ADK: variants seen among roughly 807,000 people sequenced by gnomAD.
ADK encodes the protein adenosine kinase.
A neutral mutation model predicts 44.7 loss-of-function variants in ADK; 24 were observed. The observed-to-expected ratio is 0.54, with a 90% CI of 0.39 to 0.76. The LOEUF (loss-of-function observed/expected upper bound fraction) is 0.76, where lower values mean the gene tolerates loss of function less well. Among genes scored for constraint, ADK ranks in the 30% least tolerant of loss-of-function variants. The pLI, the probability that ADK is intolerant of heterozygous loss-of-function variation, is 0.00. For missense variants in ADK, 321 were observed against 425.1 expected (o/e 0.76, Z 2.15); for synonymous variants, 128 against 142.6 (o/e 0.90, Z 0.73).
chr10:74,387,180 C>T (rs1373480627), intron 4 of ADK, among the ~76,000 whole-genome samples: 7 of 152,204 alleles, frequency 4.6e-5, no homozygotes. Flanking sequence ...CGTGATCCGC[C>T]TGCCTCAGCC....
At chr10:74,430,377 A>G (rs1453086045) in intron 6 of ADK, among the ~76,000 whole-genome samples, 2 of 152,186 alleles carry the variant, frequency 1.3e-5, no homozygotes, top group African/African-American at 2.4e-5. Context: ...CTGTTCACCT[A>G]TTGAAAGACA....
At chr10:74,538,457 G>A (rs544111030) in intron 7 of ADK, among the ~76,000 whole-genome samples, 255 of 152,114 alleles carry the variant, frequency 1.7e-3, no homozygotes, top group Non-Finnish European at 1.7e-3. Flanking sequence ...AAAAAATCTC[G>A]TTTATCAACA....
At chr10:74,565,391 A>G (rs986450699) in intron 7 of ADK, among the ~76,000 whole-genome samples, 15 of 152,216 alleles carry the variant, frequency 9.9e-5, no homozygotes, top group Non-Finnish European at 4.4e-5. Context: ...TATGATACTT[A>G]TGATTTTTAA....
intron 3 of ADK, among the ~76,000 whole-genome samples, chr10:74,302,572 C>T (rs1253201861): frequency 6.6e-6 from 1 of 152,002 alleles, no homozygotes; most frequent in African/African-American, 2.4e-5. Context: ...GCAGATGGCT[C>T]ACTTGAGTCC....
chr10:74,594,495 CAT>C lies in ADK; in HGVS notation c.762+5181_762+5182del, dbSNP rs1385957412. On this transcript the variant is annotated intron_variant, in intron 8 of 10. Coordinates refer to ENST00000539909, the MANE Select transcript of ADK (RefSeq NM_006721.4). ...TAGAACATATTTTTTTAAAATATGA[CAT>C]ATGGAAAACAAATAGCAAATGGCAG... is the stretch of plus-strand genomic sequence containing the variant. Among the ~76,000 whole-genome samples the C allele has an allele frequency of 4.6e-5, 7 of 151,428 alleles. No individual in the cohort carries two copies. In the South Asian group the frequency reaches 1.0e-3, roughly 23 times the overall value.
chr10:74,311,605 GTTAA>G (rs1840435427), intron 3 of ADK, among the ~76,000 whole-genome samples: 1 of 152,250 alleles, frequency 6.6e-6, no homozygotes, highest in Admixed American at 6.5e-5. Flanking sequence ...AATCATTGGA[GTTAA>G]TTAAATATTA....
intron 7 of ADK, among the ~76,000 whole-genome samples, chr10:74,537,309 T>A (rs899284438): frequency 6.6e-6 from 1 of 152,252 alleles, no homozygotes; most frequent in Non-Finnish European, 1.5e-5. Context: ...TGATTGGTTA[T>A]CCTTGTTAAA....
At chr10:74,570,804 GC>G in intron 7 of ADK, among the ~76,000 whole-genome samples, 1 of 152,118 alleles carries the variant, frequency 6.6e-6, no homozygotes, top group Middle Eastern at 3.4e-3. Flanking sequence ...GATTGCCCTG[GC>G]CAGAACTTCC....
intron 2 of ADK, among the ~76,000 whole-genome samples, chr10:74,203,265 A>T (rs540126829): frequency 6.6e-6 from 1 of 152,190 alleles, no homozygotes; most frequent in African/African-American, 2.4e-5. Context: ...CCATAGATAT[A>T]TGGGTAAATT....
At chr10:74,614,210 C>T (rs1209685101) in intron 9 of ADK, among the ~76,000 whole-genome samples, 3 of 152,096 alleles carry the variant, frequency 2.0e-5, no homozygotes, top group African/African-American at 7.2e-5. Flanking sequence ...CTTCTTTCAA[C>T]TCCCACCTTT....
chr10:74,596,484 G>A (rs1188420971), intron 8 of ADK, among the ~76,000 whole-genome samples: 1 of 152,042 alleles, frequency 6.6e-6, no homozygotes, highest in Non-Finnish European at 1.5e-5. Flanking sequence ...TGCCTGCTGG[G>A]CTCAAGCAAT....
chr10:74,162,761 T>G (rs1841942313), intron 1 of ADK, among the ~76,000 whole-genome samples: 1 of 152,054 alleles, frequency 6.6e-6, no homozygotes, highest in African/African-American at 2.4e-5. Context: ...CAGGCTGGTC[T>G]TGAACTCCTA....
intron 7 of ADK, among the ~76,000 whole-genome samples, chr10:74,581,430 G>C (rs1851370932): frequency 6.6e-6 from 1 of 152,154 alleles, no homozygotes; most frequent in Non-Finnish European, 1.5e-5. Context: ...CAGTGTCACT[G>C]TGAGCTGTGA....
At chr10:74,644,782 G>C (rs958280825) in intron 9 of ADK, among the ~76,000 whole-genome samples, 2 of 152,080 alleles carry the variant, frequency 1.3e-5, no homozygotes, top group Non-Finnish European at 2.9e-5. Flanking sequence ...TCTTGCCTTG[G>C]CCTCCCAAAA....
rs112438084 is a variant in ADK, at chr10:74,347,031, C to T, written c.273+32286C>T. ...CTGAGGCAGGAGAATGGTGTGAACCCGGGAGGTGGAGCTTGCAATGAGCAG... is the reference window on the plus strand; with the variant it reads ...CTGAGGCAGGAGAATGGTGTGAACCTGGGAGGTGGAGCTTGCAATGAGCAG... On this transcript the variant is annotated intron_variant, in intron 4 of 10. Coordinates refer to ENST00000539909, the MANE Select transcript of ADK (RefSeq NM_006721.4). Among the ~76,000 whole-genome samples, 725 of 139,414 alleles carry T rather than the reference C, an allele frequency of 5.2e-3. 11 individuals are homozygous for T. Among genetic ancestry groups the T allele is most frequent in the African/African-American group, 0.018 (670 of 36,268 alleles). 91.5% of individuals were successfully genotyped at this position (139,414 alleles called of 152,430 possible).
At chr10:74,401,161 A>G (rs1843694402) in intron 6 of ADK, among the ~76,000 whole-genome samples, 1 of 152,236 alleles carries the variant, frequency 6.6e-6, no homozygotes, top group Non-Finnish European at 1.5e-5. Flanking sequence ...GTGACTAGGT[A>G]ATTATGTTTT....
chr10:74,541,708 G>A (rs960340682), intron 7 of ADK, among the ~76,000 whole-genome samples: 12 of 150,248 alleles, frequency 8.0e-5, no homozygotes, highest in African/African-American at 2.9e-4. Context: ...CAGGAGGATT[G>A]CTTGAGCCCA....
chr10:74,626,090 ACT>A (rs1853192076), intron 9 of ADK, among the ~76,000 whole-genome samples: 1 of 152,158 alleles, frequency 6.6e-6, no homozygotes, highest in African/African-American at 2.4e-5. Context: ...CTGGTAATAG[ACT>A]CTAGAAATAG....
rs7082866 is a variant in ADK at position 74,195,564 on chromosome 10, A to C, written c.66-5200A>C. 1.0e-3 allele frequency among the ~76,000 whole-genome samples: 158 copies of C among 152,026 alleles called. 1 individual carries two copies. The highest frequency in any genetic ancestry group is 3.7e-3 in the African/African-American group (154 of 41,440). On this transcript the variant is annotated intron_variant, in intron 1 of 10. Transcript: ENST00000539909. ...AATGGTGCAATTACAGCTTACTGCA[A>C]CCTCGACCTTCCAGGCTTAAGCGAT... is the stretch of plus-strand genomic sequence containing the variant.
Sources: allele counts gnomAD v4.1 joint callset (sites outside exome capture counted in the v4.1 genomes callset), GRCh38; gene constraint gnomAD v4.1.1; transcripts MANE v1.5; gene names NCBI Gene and HGNC (gene_info 2026-07-23, HGNC 2026-07-21).